TMEM132D: variants seen among roughly 807,000 people sequenced by gnomAD.
TMEM132D encodes transmembrane protein 132D.
TMEM132D carries 21 observed loss-of-function variants against 62.3 expected under a neutral mutation model. That is an observed-to-expected ratio of 0.34 (90% CI 0.24 to 0.49). The LOEUF (loss-of-function observed/expected upper bound fraction) is 0.49, where lower values mean the gene tolerates loss of function less well. TMEM132D is among the 20% of genes least tolerant of loss of function. TMEM132D has a pLI of 0.99. For synonymous variants in TMEM132D, 621 were observed against 575.6 expected, an observed-to-expected ratio of 1.08 and a Z score of -1.13; for missense variants, 1,346 against 1,402.8, an observed-to-expected ratio of 0.96 and a Z score of 0.65.
At chr12:129,583,170 T>C (rs1335739214) in intron 2 of TMEM132D, among the ~76,000 whole-genome samples, 3 of 152,236 alleles carry the variant, frequency 2.0e-5, no homozygotes, top group African/African-American at 4.8e-5. Context: ...TTTTAGGAGA[T>C]TGTGTCCATA....
intron 1 of TMEM132D, among the ~76,000 whole-genome samples, chr12:129,832,395 T>C (rs1872870679): frequency 6.6e-6 from 1 of 151,812 alleles, no homozygotes; most frequent in East Asian, 1.9e-4. Context: ...ATATTATATA[T>C]TATATTCTAT....
At chr12:129,389,829 C>T (rs1169796616) in intron 3 of TMEM132D, among the ~76,000 whole-genome samples, 1 of 152,180 alleles carries the variant, frequency 6.6e-6, no homozygotes, top group African/African-American at 2.4e-5. Context: ...GAGACGGAGG[C>T]AGAGAGTGGC....
At chr12:129,812,777 C>T (rs137870250) in intron 1 of TMEM132D, among the ~76,000 whole-genome samples, 48 of 151,806 alleles carry the variant, frequency 3.2e-4, no homozygotes, top group Non-Finnish European at 6.2e-4. Context: ...TTTGTGTGAT[C>T]CAACCAAGAT....
chr12:129,626,628 T>C (rs1879224430), intron 2 of TMEM132D, among the ~76,000 whole-genome samples: 1 of 152,120 alleles, frequency 6.6e-6, no homozygotes. Flanking sequence ...CCACTAATTT[T>C]GTATTTTTAG....
intron 5 of TMEM132D, among the ~76,000 whole-genome samples, chr12:129,095,346 G>GTTTTTTT (rs34044401): frequency 4.7e-5 from 5 of 105,348 alleles, no homozygotes; most frequent in East Asian, 6.4e-4. Flanking sequence ...ATGCCTGCTG[G>GTTTTTTT]TTTTTTTTTT....
chr12:129,635,333 G>A (rs1423244387), intron 2 of TMEM132D, among the ~76,000 whole-genome samples: 2 of 152,084 alleles, frequency 1.3e-5, no homozygotes, highest in African/African-American at 4.8e-5. Context: ...TCTCTATAAC[G>A]GTAAGTCCTC....
intron 3 of TMEM132D, among the ~76,000 whole-genome samples, chr12:129,390,677 T>C (rs1343200567): frequency 2.0e-5 from 3 of 152,110 alleles, no homozygotes; most frequent in African/African-American, 7.2e-5. Flanking sequence ...TCCAAAGGCC[T>C]CTCTCCTTGG....
At chr12:129,175,788 C>T (rs1006691695) in intron 5 of TMEM132D, among the ~76,000 whole-genome samples, 14 of 152,186 alleles carry the variant, frequency 9.2e-5, no homozygotes. Flanking sequence ...GATGCAAATG[C>T]AATGGTACTT....
At chr12:129,893,338 C>T (rs1342146544) in intron 1 of TMEM132D, among the ~76,000 whole-genome samples, 3 of 152,086 alleles carry the variant, frequency 2.0e-5, no homozygotes, top group Non-Finnish European at 2.9e-5. Flanking sequence ...AATGAGCATT[C>T]GATCAATGAT....
chr12:129,659,172 A>T (rs900268993), intron 2 of TMEM132D, among the ~76,000 whole-genome samples: 1 of 152,134 alleles, frequency 6.6e-6, no homozygotes, highest in African/African-American at 2.4e-5. Flanking sequence ...ATCCTCCACC[A>T]GCTGCCCCAG....
chr12:129,902,021 T>G (rs1875375199), intron 1 of TMEM132D, among the ~76,000 whole-genome samples: 1 of 152,186 alleles, frequency 6.6e-6, no homozygotes, highest in Non-Finnish European at 1.5e-5. Context: ...CCAGGGATTG[T>G]TCTAACTCAT....
intron 1 of TMEM132D, among the ~76,000 whole-genome samples, chr12:129,817,321 C>G (rs756724786): frequency 1.3e-5 from 2 of 152,174 alleles, no homozygotes; most frequent in Non-Finnish European, 2.9e-5. Context: ...AGCATTTGAC[C>G]AGGTCCACAG....
intron 1 of TMEM132D, among the ~76,000 whole-genome samples, chr12:129,861,715 C>A (rs1292080989): frequency 6.8e-6 from 1 of 146,558 alleles, no homozygotes; most frequent in Non-Finnish European, 1.5e-5. Flanking sequence ...GATTGCACCA[C>A]TGCACTCCAG....
intron 5 of TMEM132D, among the ~76,000 whole-genome samples, chr12:129,105,765 C>T (rs1432206124): frequency 4.0e-5 from 6 of 151,274 alleles, no homozygotes; most frequent in Non-Finnish European, 8.8e-5. Context: ...AGTCAGGAAA[C>T]GACAGGTGCT....
intron 3 of TMEM132D, among the ~76,000 whole-genome samples, chr12:129,502,062 C>T (rs543334108): frequency 5.7e-4 from 87 of 151,814 alleles, no homozygotes; most frequent in African/African-American, 2.0e-3. Context: ...TGCAGTGGCA[C>T]GGTCTCGACT....
At chr12:129,596,747 G>T (rs1348516829) in intron 2 of TMEM132D, among the ~76,000 whole-genome samples, 2 of 151,230 alleles carry the variant, frequency 1.3e-5, no homozygotes, top group Non-Finnish European at 2.9e-5. Context: ...AATTCCATAT[G>T]CCTCTGACCT....
At chr12:129,769,406 A>G (rs1294868556) in intron 1 of TMEM132D, among the ~76,000 whole-genome samples, 1 of 152,136 alleles carries the variant, frequency 6.6e-6, no homozygotes, top group African/African-American at 2.4e-5. Flanking sequence ...ATTCACCACC[A>G]CAAGAACAGT....
At chr12:129,568,155 G>C (rs1485093524) in intron 2 of TMEM132D, among the ~76,000 whole-genome samples, 1 of 152,356 alleles carries the variant, frequency 6.6e-6, no homozygotes, top group East Asian at 1.9e-4. Flanking sequence ...TTCCTGCAAA[G>C]GCAGAGTTCC....
At chr12:129,321,547 T>C (rs955851597) in intron 4 of TMEM132D, among the ~76,000 whole-genome samples, 38 of 151,950 alleles carry the variant, frequency 2.5e-4, no homozygotes, top group Admixed American at 3.9e-4. Flanking sequence ...GACCATGGCA[T>C]GAGGCAGATC....
Sources: allele counts gnomAD v4.1 joint callset (sites outside exome capture counted in the v4.1 genomes callset), GRCh38; gene constraint gnomAD v4.1.1; transcripts MANE v1.5; gene names NCBI Gene and HGNC (gene_info 2026-07-23, HGNC 2026-07-21).